The following PIK3CA variants were observed in gnomAD, a reference collection of about 807,000 sequenced individuals.
PIK3CA encodes phosphatidylinositol 4,5-bisphosphate 3-kinase catalytic subunit alpha isoform.
In PIK3CA, 27 loss-of-function variants were observed where a neutral mutation model predicts 138.2. That is an observed-to-expected ratio of 0.20 (90% CI 0.14 to 0.27). The LOEUF (loss-of-function observed/expected upper bound fraction) is 0.27, where lower values mean the gene tolerates loss of function less well. PIK3CA is among the 10% of genes least tolerant of loss of function. PIK3CA has a pLI of 1.00. For missense variants in PIK3CA, 544 were observed against 1,277.4 expected, an observed-to-expected ratio of 0.43 and a Z score of 8.75; for synonymous variants, 358 against 413.2, an observed-to-expected ratio of 0.87 and a Z score of 1.62.
chr3:179,225,094 C>T (rs1236970475), intron 16 of PIK3CA, among the ~76,000 whole-genome samples: 1 of 151,640 alleles, frequency 6.6e-6, no homozygotes, highest in Non-Finnish European at 1.5e-5. Context: ...TCCCGTGGAC[C>T]TGTGTAGAGA....
intron 1 of PIK3CA, among the ~76,000 whole-genome samples, chr3:179,194,241 G>T (rs1315993098): frequency 6.6e-6 from 1 of 151,452 alleles, no homozygotes; most frequent in Non-Finnish European, 1.5e-5. Flanking sequence ...TATTTTTTTT[G>T]GAGACAGGGT....
chr3:179,210,937 A>G (rs145981987), intron 9 of PIK3CA, among the ~76,000 whole-genome samples: 3 of 152,364 alleles, frequency 2.0e-5, no homozygotes, highest in Non-Finnish European at 1.5e-5. Context: ...ACCCTTGAAC[A>G]ACATGGATAT....
chr3:179,171,732 T>A (rs749487423), intron 1 of PIK3CA, among the ~76,000 whole-genome samples: 3 of 152,128 alleles, frequency 2.0e-5, no homozygotes, highest in Non-Finnish European at 2.9e-5. Flanking sequence ...AGTAAATAAA[T>A]TGAATTAGTA....
chr3:179,150,852 T>G (rs544404969), intron 1 of PIK3CA, among the ~76,000 whole-genome samples: 2 of 152,370 alleles, frequency 1.3e-5, no homozygotes, highest in African/African-American at 4.8e-5. Context: ...AAGTACCCTT[T>G]ACTGAATAAA....
intron 9 of PIK3CA, among the ~76,000 whole-genome samples, chr3:179,211,495 T>A (rs1286459187): frequency 1.3e-5 from 2 of 151,872 alleles, no homozygotes; most frequent in African/African-American, 4.8e-5. Flanking sequence ...CATGGTGAAA[T>A]CCCGTCTCTA....
chr3:179,171,394 A>G (rs188238508), intron 1 of PIK3CA, among the ~76,000 whole-genome samples: 34 of 152,276 alleles, frequency 2.2e-4, no homozygotes, highest in Non-Finnish European at 4.3e-4. Context: ...GAAGCTAGAA[A>G]AGAAAGAGTA....
chr3:179,188,595 A>G lies in PIK3CA; in HGVS notation c.-76-10155A>G, dbSNP rs181342827. Among the ~76,000 whole-genome samples, 190 of 152,286 alleles carry G rather than the reference A, an allele frequency of 1.2e-3. 1 individual carries two copies. The highest frequency in any genetic ancestry group is 4.3e-3 in the African/African-American group (177 of 41,548). ...CTGATTTAGGGTCACTGGAACTGAG[A>G]GTGATGGTTTACTTCTGACTGCCTG... On this transcript the variant is annotated intron_variant, in intron 1 of 20. Coordinates refer to ENST00000263967, the MANE Select transcript of PIK3CA (RefSeq NM_006218.4).
intron 1 of PIK3CA, among the ~76,000 whole-genome samples, chr3:179,163,152 A>G (rs987791433): frequency 5.3e-5 from 8 of 152,194 alleles, no homozygotes; most frequent in Admixed American, 3.9e-4. Context: ...TTTGTTTTTG[A>G]GAGTATTAAA....
chr3:179,165,156 A>G (rs1261985489), intron 1 of PIK3CA, among the ~76,000 whole-genome samples: 1 of 152,180 alleles, frequency 6.6e-6, no homozygotes, highest in East Asian at 1.9e-4. Flanking sequence ...TATTATAAAT[A>G]GGCTGTATGG....
At chr3:179,233,159 G>A in intron 20 of PIK3CA, 1 of 394,632 alleles carries the variant, frequency 2.5e-6, no homozygotes, top group Non-Finnish European at 4.5e-6. Context: ...ACACCTGGCT[G>A]AAATCTAGGA....
chr3:179,201,833 C>G (rs1429265654), intron 4 of PIK3CA, among the ~76,000 whole-genome samples: 1 of 152,060 alleles, frequency 6.6e-6, no homozygotes, highest in African/African-American at 2.4e-5. Flanking sequence ...GTCTTGATCT[C>G]CTGACCTCGT....
In PIK3CA at chr3:179,219,045, T is replaced by G. The variant is rs2108409371; in HGVS notation, c.1665-151T>G. 1 of 531,836 alleles carries G rather than the reference T, an allele frequency of 1.9e-6. No homozygotes were observed. The highest frequency in any genetic ancestry group is 3.4e-6 in the Non-Finnish European group (1 of 293,106). The allele number at this position is 531,836 out of a possible 1,614,324, so 32.9% of individuals were successfully genotyped here. On this transcript the variant is annotated intron_variant, in intron 10 of 20. Coordinates refer to ENST00000263967, the MANE Select transcript of PIK3CA (RefSeq NM_006218.4). The surrounding 1 kb of genome is among the most constrained non-coding windows in gnomAD (Gnocchi z 4.2). ...TATGTAAATATATTTCCAACTATAG[T>G]GTTAAACACTGATGTCTTTTGAATT...
At chr3:179,187,557 A>AAG (rs1724020859) in intron 1 of PIK3CA, among the ~76,000 whole-genome samples, 1 of 147,350 alleles carries the variant, frequency 6.8e-6, no homozygotes, top group Non-Finnish European at 1.5e-5. Context: ...AAAAAAAAAA[A>AAG]GAGAGAAACG....
intron 1 of PIK3CA, among the ~76,000 whole-genome samples, chr3:179,181,060 A>C (rs1458127789): frequency 6.6e-6 from 1 of 152,114 alleles, no homozygotes; most frequent in Non-Finnish European, 1.5e-5. Flanking sequence ...GCAAAAAGAC[A>C]AACTGAGAGA....
rs1350460068 is a variant in PIK3CA, at chr3:179,237,227, C to G, written c.*2863C>G. ...ATTTGTTTTTTTAAAAAAGATGTTT[C>G]TAATTGGATTTTTAAAAGAAGAATG... On this transcript the variant is annotated 3_prime_UTR_variant, in exon 21 of 21. Transcript: ENST00000263967. The G allele has an allele frequency of 3.6e-5, 7 of 193,382 alleles. No homozygotes were observed. In the East Asian group the frequency reaches 5.7e-4, roughly 16 times the overall value. The allele number at this position is 193,382 out of a possible 1,614,324, so 12.0% of individuals were successfully genotyped here.
rs374926790 is a variant in PIK3CA, at chr3:179,220,957, A to T, written c.2016-29A>T. ...TATACTGATTTAAGACTATATATAT[A>T]TATTTTTAATTTTGCACGATTCTTT... is the stretch of plus-strand genomic sequence containing the variant. On this transcript the variant is annotated intron_variant, in intron 13 of 20. Coordinates refer to ENST00000263967, the MANE Select transcript of PIK3CA (RefSeq NM_006218.4). The surrounding 1 kb of genome is among the most constrained non-coding windows in gnomAD (Gnocchi z 4.1). 3.4e-3 allele frequency: 5,010 copies of T among 1,480,492 alleles called. 17 individuals are homozygous for T. Among genetic ancestry groups the T allele is most frequent in the Middle Eastern group, 8.5e-3 (48 of 5,680 alleles). 91.7% of individuals were successfully genotyped at this position (1,480,492 alleles called of 1,614,324 possible).
chr3:179,159,297 T>G (rs1723217490), intron 1 of PIK3CA, among the ~76,000 whole-genome samples: 1 of 152,202 alleles, frequency 6.6e-6, no homozygotes, highest in Non-Finnish European at 1.5e-5. Flanking sequence ...AGAGTTTGTT[T>G]CCATAGTAAG....
chr3:179,181,484 A>G (rs1723845045), intron 1 of PIK3CA, among the ~76,000 whole-genome samples: 1 of 152,160 alleles, frequency 6.6e-6, no homozygotes, highest in South Asian at 2.1e-4. Flanking sequence ...AAAGAAACCA[A>G]GCACATCTTA....
chr3:179,191,215 A>G (rs1020121831), intron 1 of PIK3CA, among the ~76,000 whole-genome samples: 1 of 152,176 alleles, frequency 6.6e-6, no homozygotes, highest in African/African-American at 2.4e-5. Context: ...TTTTAGTTCA[A>G]AGAACTCATC....
Sources: allele counts gnomAD v4.1 joint callset (sites outside exome capture counted in the v4.1 genomes callset), GRCh38; gene constraint gnomAD v4.1.1; non-coding constraint Gnocchi (gnomAD v3.1); transcripts MANE v1.5; gene names NCBI Gene and HGNC (gene_info 2026-07-23, HGNC 2026-07-21).